BCL2: variants seen among roughly 807,000 people sequenced by gnomAD.
BCL2 encodes apoptosis regulator Bcl-2.
In BCL2, 1 loss-of-function variant was observed where a neutral mutation model predicts 14.2. That is an observed-to-expected ratio of 0.07 (90% CI 0.02 to 0.33). BCL2 has a LOEUF of 0.33. Among genes scored for constraint, BCL2 ranks in the 10% least tolerant of loss-of-function variants. BCL2 has a pLI of 0.99. For missense variants in BCL2, 247 were observed against 305.9 expected (o/e 0.81, Z 1.44); for synonymous variants, 151 against 137.2 (o/e 1.10, Z -0.70).
At chr18:63,219,451 C>CTTTTTTT (rs11289698) in intron 2 of BCL2, among the ~76,000 whole-genome samples, 2 of 109,796 alleles carry the variant, frequency 1.8e-5, no homozygotes, top group Non-Finnish European at 3.7e-5. Context: ...CACAGCAGAA[C>CTTTTTTT]TTTTTTTTTT....
At chr18:63,168,587 G>A (rs1000448775) in intron 2 of BCL2, among the ~76,000 whole-genome samples, 24 of 152,268 alleles carry the variant, frequency 1.6e-4, no homozygotes, top group Admixed American at 2.0e-4. Context: ...CATAGCTGAC[G>A]TCCACAGCCA....
intron 2 of BCL2, among the ~76,000 whole-genome samples, chr18:63,197,688 A>T (rs1909486146): frequency 1.3e-5 from 2 of 152,118 alleles, no homozygotes; most frequent in Non-Finnish European, 2.9e-5. Context: ...GGAAGAAAGG[A>T]AGAAGGAAGT....
At chr18:63,290,265 C>T (rs1912608024) in intron 2 of BCL2, among the ~76,000 whole-genome samples, 1 of 152,058 alleles carries the variant, frequency 6.6e-6, no homozygotes, top group Non-Finnish European at 1.5e-5. Context: ...AAAGGGTCAT[C>T]AGGAAATAGT....
At chr18:63,247,648 C>T (rs764498846) in intron 2 of BCL2, among the ~76,000 whole-genome samples, 3 of 152,096 alleles carry the variant, frequency 2.0e-5, no homozygotes, top group Non-Finnish European at 4.4e-5. Flanking sequence ...TTCCCTGTTG[C>T]GGCTGGTGGA....
At chr18:63,183,383 G>A (rs1007013087) in intron 2 of BCL2, among the ~76,000 whole-genome samples, 1 of 152,182 alleles carries the variant, frequency 6.6e-6, no homozygotes, top group Admixed American at 6.5e-5. Flanking sequence ...ATCACAGCAG[G>A]CTTCATGGAA....
At chr18:63,257,984 G>A (rs1291849853) in intron 2 of BCL2, among the ~76,000 whole-genome samples, 1 of 152,220 alleles carries the variant, frequency 6.6e-6, no homozygotes, top group Non-Finnish European at 1.5e-5. Flanking sequence ...ACCTGTAAAT[G>A]TGACTTAATT....
intron 2 of BCL2, among the ~76,000 whole-genome samples, chr18:63,211,717 A>G (rs1439501458): frequency 6.6e-6 from 1 of 152,194 alleles, no homozygotes; most frequent in Non-Finnish European, 1.5e-5. Flanking sequence ...GCTCCTGAAC[A>G]GCAAATACCA....
chr18:63,242,621 C>A (rs1297576818), intron 2 of BCL2, among the ~76,000 whole-genome samples: 4 of 152,144 alleles, frequency 2.6e-5, no homozygotes, highest in African/African-American at 9.7e-5. Flanking sequence ...TCCCTTATTA[C>A]CAGTCTCTCC....
chr18:63,166,420 G>A (rs994895056), intron 2 of BCL2, among the ~76,000 whole-genome samples: 3 of 152,186 alleles, frequency 2.0e-5, no homozygotes, highest in Admixed American at 6.5e-5. Context: ...TATCCTGACT[G>A]GGGAACGAGG....
intron 2 of BCL2, among the ~76,000 whole-genome samples, chr18:63,286,298 T>C (rs1371091346): frequency 6.6e-6 from 1 of 152,192 alleles, no homozygotes. Context: ...TTTTACACAG[T>C]TGGGGGCAGG....
rs372687995 is a variant in BCL2 at position 63,267,523 on chromosome 18, G to T, written c.585+50559C>A. ...TGACCTCATCAGTTTGGAGGACTGT[G>T]ATGCAACTCACTGAGATAAGAAGAT... On this transcript the variant is annotated intron_variant, in intron 2 of 2. Transcript: ENST00000333681. Among the ~76,000 whole-genome samples, 4 of 152,284 alleles carry T rather than the reference G, an allele frequency of 2.6e-5. No individual in the cohort carries two copies. The South Asian group carries it at 8.3e-4, about 32-fold the overall frequency.
intron 2 of BCL2, among the ~76,000 whole-genome samples, chr18:63,160,628 C>A (rs1038764830): frequency 2.0e-5 from 3 of 152,060 alleles, no homozygotes; most frequent in African/African-American, 7.3e-5. Flanking sequence ...TTCAGAGGAG[C>A]CCTTCAGGGA....
intron 2 of BCL2, among the ~76,000 whole-genome samples, chr18:63,311,294 T>G (rs1352140255): frequency 1.3e-5 from 2 of 152,178 alleles, no homozygotes; most frequent in Non-Finnish European, 2.9e-5. Context: ...CCTGGTTATC[T>G]GCTAAGGAGA....
rs754454655 is a variant in BCL2, at chr18:63,128,724, C to T, written c.621G>A (p.Arg207=). The T allele has an allele frequency of 3.8e-6, 3 of 780,826 alleles. No homozygotes were observed. The South Asian group carries it at 4.0e-5, about 10-fold the overall frequency. 48.4% of individuals were successfully genotyped at this position (780,826 alleles called of 1,614,324 possible). A position where few individuals can be genotyped will look rare whatever the true frequency, so the allele number is the denominator to read the frequency against. ...AFVELYGPSM[R]PLFDFSWLSL... ...ACAGCCAGGAGAAATCAAACAGAGG[C>T]CGCATGCTGGGGCCGTACAGTTCCA... is the stretch of plus-strand genomic sequence containing the variant. Residue 207 remains arginine (R), a synonymous_variant, in exon 3 of 3, where the codon CGG becomes CGA. Transcript: ENST00000333681.
At chr18:63,132,366 A>G (rs1027242159) in intron 2 of BCL2, among the ~76,000 whole-genome samples, 9 of 152,184 alleles carry the variant, frequency 5.9e-5, no homozygotes, top group Non-Finnish European at 1.0e-4. Flanking sequence ...CCTGCTCCGC[A>G]CCTACTCAAC....
At chr18:63,219,480 G>A (rs867985131) in intron 2 of BCL2, among the ~76,000 whole-genome samples, 8 of 137,922 alleles carry the variant, frequency 5.8e-5, no homozygotes, top group African/African-American at 1.4e-4. Flanking sequence ...TTTTTGAGAC[G>A]GATTCTCGCT....
intron 2 of BCL2, among the ~76,000 whole-genome samples, chr18:63,150,362 T>C (rs1015658149): frequency 6.6e-6 from 1 of 152,268 alleles, no homozygotes; most frequent in African/African-American, 2.4e-5. Context: ...GAATGCACTC[T>C]GCTCCTATCT....
At chr18:63,133,980 A>C (rs925912637) in intron 2 of BCL2, among the ~76,000 whole-genome samples, 6 of 152,214 alleles carry the variant, frequency 3.9e-5, no homozygotes, top group African/African-American at 1.4e-4. Flanking sequence ...ATTGGCAAGA[A>C]ATTGTGTTCC....
chr18:63,262,000 G>A (rs971038585), intron 2 of BCL2, among the ~76,000 whole-genome samples: 4 of 152,030 alleles, frequency 2.6e-5, no homozygotes, highest in Admixed American at 1.3e-4. Context: ...GGCTGGTCTC[G>A]AACTCCTGAC....
Sources: gnomAD v4.1 joint callset for allele counts (sites outside exome capture counted in the v4.1 genomes callset) on GRCh38, gnomAD v4.1.1 for gene constraint, MANE v1.5 for transcripts, NCBI Gene and HGNC (gene_info 2026-07-23, HGNC 2026-07-21) for gene names.